Variants in WWOX observed in about 807,000 individuals in gnomAD.
WWOX encodes WW domain-containing oxidoreductase.
Under a neutral mutation model 46.2 loss-of-function variants are expected in WWOX, and 69 were observed. The ratio of observed to expected loss-of-function variants is 1.49; its 90% CI spans 1.23 to 1.82. The LOEUF (loss-of-function observed/expected upper bound fraction) is 1.82. Ranked by LOEUF, WWOX falls within the 40% of genes most tolerant of loss-of-function variation. WWOX has a pLI of 0.00. For missense variants in WWOX, 919 were observed against 542.6 expected (o/e 1.69, Z -6.89); for synonymous variants, 359 against 202.6 (o/e 1.77, Z -6.56).
chr16:78,541,461 G>A (rs1392443801), intron 8 of WWOX, among the ~76,000 whole-genome samples: 2 of 103,082 alleles, frequency 1.9e-5, no homozygotes, highest in South Asian at 4.0e-4. Context: ...GCGACAGAGC[G>A]AGACTCCGTC....
chr16:78,229,506 C>A (rs867795556), intron 5 of WWOX, among the ~76,000 whole-genome samples: 4,975 of 115,762 alleles, frequency 0.043, 314 homozygotes, highest in African/African-American at 0.16. Context: ...TTATCTATAT[C>A]TATATAGAGA....
At chr16:79,209,858 G>T (rs1182674326) in intron 8 of WWOX, among the ~76,000 whole-genome samples, 1 of 152,154 alleles carries the variant, frequency 6.6e-6, no homozygotes, top group African/African-American at 2.4e-5. Flanking sequence ...GGGTTATTAG[G>T]AATAATAATT....
intron 5 of WWOX, among the ~76,000 whole-genome samples, chr16:78,217,485 T>A (rs548925316): frequency 3.3e-5 from 5 of 152,296 alleles, no homozygotes; most frequent in East Asian, 1.9e-4. Flanking sequence ...CTGCCTAAGA[T>A]GGAATATTGC....
At chr16:78,233,167 T>C (rs2037324229) in intron 5 of WWOX, among the ~76,000 whole-genome samples, 1 of 152,202 alleles carries the variant, frequency 6.6e-6, no homozygotes, top group Non-Finnish European at 1.5e-5. Flanking sequence ...GGTGCTATTT[T>C]CATATATCTG....
At chr16:78,268,890 C>T (rs1417273050) in intron 5 of WWOX, among the ~76,000 whole-genome samples, 1 of 151,582 alleles carries the variant, frequency 6.6e-6, no homozygotes, top group African/African-American at 2.4e-5. Flanking sequence ...TTAAAAAAAC[C>T]CTTTCTATTC....
At chr16:78,222,630 G>T (rs934372292) in intron 5 of WWOX, among the ~76,000 whole-genome samples, 1 of 152,150 alleles carries the variant, frequency 6.6e-6, no homozygotes, top group African/African-American at 2.4e-5. Context: ...TAATCAGCCT[G>T]TACTTCTTCG....
intron 4 of WWOX, among the ~76,000 whole-genome samples, chr16:78,133,027 T>A (rs2033657242): frequency 6.6e-6 from 1 of 152,150 alleles, no homozygotes; most frequent in Admixed American, 6.5e-5. Context: ...ATCTACAAAT[T>A]CCAAGCAAAC....
rs537736528 is a variant in WWOX at position 79,067,473 on chromosome 16, C to A, written c.1057-144135C>A. 2.0e-5 allele frequency among the ~76,000 whole-genome samples: 3 copies of A among 152,212 alleles called. No individual in the cohort carries two copies. In the South Asian group the frequency reaches 6.2e-4, roughly 32 times the overall value. ...TTCCCTCCACCTGAGATGCTCTTCTCGGCTCCTGTGAGGGCTACCCCTTTA... is the reference window on the plus strand; with the variant it reads ...TTCCCTCCACCTGAGATGCTCTTCTAGGCTCCTGTGAGGGCTACCCCTTTA... On this transcript the variant is annotated intron_variant, in intron 8 of 8. Transcript: ENST00000566780.
At chr16:79,153,666 G>C (rs923183335) in intron 8 of WWOX, among the ~76,000 whole-genome samples, 1 of 152,102 alleles carries the variant, frequency 6.6e-6, no homozygotes, top group African/African-American at 2.4e-5. Context: ...GATCATAGAA[G>C]GCCTTAATCT....
intron 8 of WWOX, among the ~76,000 whole-genome samples, chr16:78,555,286 C>G (rs1450722598): frequency 1.3e-5 from 2 of 151,656 alleles, no homozygotes; most frequent in African/African-American, 4.8e-5. Flanking sequence ...CATTTTTCAA[C>G]CAAACTGAAA....
At chr16:78,703,935 A>G (rs2048279390) in intron 8 of WWOX, among the ~76,000 whole-genome samples, 1 of 152,102 alleles carries the variant, frequency 6.6e-6, no homozygotes, top group Non-Finnish European at 1.5e-5. Context: ...AAACTTGGTA[A>G]AAGATTTATA....
chr16:78,482,221 C>G (rs1250778299), intron 8 of WWOX, among the ~76,000 whole-genome samples: 1 of 152,072 alleles, frequency 6.6e-6, no homozygotes, highest in Non-Finnish European at 1.5e-5. Context: ...ATCCCAATGT[C>G]AAATAACTCC....
chr16:78,481,291 G>T lies in WWOX; in HGVS notation c.1056+48539G>T, dbSNP rs193075826. 8.3e-3 allele frequency among the ~76,000 whole-genome samples: 1,269 copies of T among 152,230 alleles called. 16 individuals are homozygous for T. The highest frequency in any genetic ancestry group is 9.1e-3 in the Non-Finnish European group (621 of 67,996). The stretch of plus-strand genomic sequence containing the variant: ...GTTCAAAGCAGCTTGGAGCCTCTTG[G>T]ATTTTAAAAAGACTCTGTGGCCTCT... On this transcript the variant is annotated intron_variant, in intron 8 of 8. Transcript: ENST00000566780.
rs1032756280 is a variant in WWOX at position 79,211,952 on chromosome 16, C to T, written c.*156C>T. 2 of 1,536,470 alleles carry T rather than the reference C, an allele frequency of 1.3e-6. No homozygotes were observed. The highest frequency in any genetic ancestry group is 2.0e-5 in the Admixed American group (1 of 50,988). On this transcript the variant is annotated 3_prime_UTR_variant, in exon 9 of 9. Transcript: ENST00000566780. ...CAACAGAGTGAAAAATCTTAAGTAC[C>T]AATGGGAAGCAGGGAATTCCTGGGG...
intron 5 of WWOX, among the ~76,000 whole-genome samples, chr16:78,372,224 C>A (rs1200680649): frequency 6.6e-6 from 1 of 152,180 alleles, no homozygotes; most frequent in Non-Finnish European, 1.5e-5. Context: ...AGAACATATT[C>A]ACTTTTCTTC....
intron 8 of WWOX, among the ~76,000 whole-genome samples, chr16:79,058,428 A>G (rs1032760186): frequency 6.6e-6 from 1 of 152,054 alleles, no homozygotes; most frequent in African/African-American, 2.4e-5. Flanking sequence ...CCATTTATTG[A>G]AAGGGAATGA....
At chr16:78,631,628 T>G (rs549384129) in intron 8 of WWOX, among the ~76,000 whole-genome samples, 118 of 150,364 alleles carry the variant, frequency 7.8e-4, no homozygotes, top group African/African-American at 2.7e-3. Flanking sequence ...AGCTTCCTCC[T>G]CCCAGGCTCA....
chr16:78,329,578 A>T (rs955147320), intron 5 of WWOX, among the ~76,000 whole-genome samples: 6 of 152,202 alleles, frequency 3.9e-5, no homozygotes, highest in African/African-American at 1.4e-4. Flanking sequence ...ACTTTGTGGC[A>T]TCTGGCAATG....
chr16:78,367,232 C>T (rs1597109817), intron 5 of WWOX, among the ~76,000 whole-genome samples: 1 of 152,108 alleles, frequency 6.6e-6, no homozygotes, highest in East Asian at 1.9e-4. Context: ...AACTGCCTCG[C>T]CCTCCCAAAG....
Sources: gnomAD v4.1 joint callset for allele counts (sites outside exome capture counted in the v4.1 genomes callset) on GRCh38, gnomAD v4.1.1 for gene constraint, MANE v1.5 for transcripts, NCBI Gene and HGNC (gene_info 2026-07-23, HGNC 2026-07-21) for gene names.